TTBK2: variants seen among roughly 807,000 people sequenced by gnomAD.
TTBK2 encodes tau-tubulin kinase 2.
A neutral mutation model predicts 110.8 loss-of-function variants in TTBK2; 28 were observed. The ratio of observed to expected loss-of-function variants is 0.25; its 90% CI spans 0.19 to 0.35. The LOEUF (loss-of-function observed/expected upper bound fraction) is 0.35, where lower values mean the gene tolerates loss of function less well. Among genes scored for constraint, TTBK2 ranks in the 10% least tolerant of loss-of-function variants. The pLI is 1.00. For synonymous variants in TTBK2, 532 were observed against 527.3 expected (o/e 1.01, Z -0.12); for missense variants, 1,369 against 1,500.3 (o/e 0.91, Z 1.45).
chr15:42,919,978 G>C (rs1435203865), intron 1 of TTBK2: 1 of 190,684 alleles, frequency 5.2e-6, no homozygotes, highest in African/African-American at 2.4e-5. Flanking sequence ...AGAAAGTCGC[G>C]GCCTTCACTG....
intron 1 of TTBK2, among the ~76,000 whole-genome samples, chr15:42,895,251 A>T (rs954364026): frequency 6.6e-6 from 1 of 152,208 alleles, no homozygotes; most frequent in Non-Finnish European, 1.5e-5. Flanking sequence ...CATGATTTTA[A>T]GTCTTACTGT....
rs895916657 is a variant in TTBK2, at chr15:42,740,329, T to C, written c.*5466A>G. On this transcript the variant is annotated 3_prime_UTR_variant, in exon 15 of 15. Transcript: ENST00000267890. Reference sequence around the variant, plus strand: ...AGATCCAGCAAAGTCTAAGGAAATATCCTAATCATTACTGTGTAATGTTAC... The same window carrying C: ...AGATCCAGCAAAGTCTAAGGAAATACCCTAATCATTACTGTGTAATGTTAC... 1.3e-5 allele frequency: 2 copies of C among 152,210 alleles called. No individual in the cohort carries two copies. The highest frequency in any genetic ancestry group is 4.8e-5 in the African/African-American group (2 of 41,446). 9.4% of individuals were successfully genotyped at this position (152,210 alleles called of 1,614,324 possible).
At chr15:42,755,961 C>A (rs957887666) in intron 13 of TTBK2, among the ~76,000 whole-genome samples, 2 of 151,964 alleles carry the variant, frequency 1.3e-5, no homozygotes, top group South Asian at 2.1e-4. Flanking sequence ...TCTGGGGGGC[C>A]GAGGCAGGCT....
At chr15:42,765,522 T>C (rs988675939) in intron 13 of TTBK2, among the ~76,000 whole-genome samples, 5 of 152,088 alleles carry the variant, frequency 3.3e-5, no homozygotes, top group African/African-American at 9.7e-5. Context: ...GTATCAGTGA[T>C]TGAAGATCAA....
rs751151407 is a variant in TTBK2, at chr15:42,775,180, C to A, written c.1953G>T (p.Thr651=). Reference sequence around the variant, plus strand: ...CCTGCGCCTCCATTAGACTTGTGGGCGTCGCTGCAATAAACTGACTAGCAG... The same window carrying A: ...CCTGCGCCTCCATTAGACTTGTGGGAGTCGCTGCAATAAACTGACTAGCAG... ...PGAASQFIAA[T]PTSLMEAQAE... Residue 651 remains threonine (T), a synonymous_variant, in exon 13 of 15, where the codon ACG becomes ACT. Coordinates refer to ENST00000267890, the MANE Select transcript of TTBK2 (RefSeq NM_173500.4). The A allele has an allele frequency of 6.2e-7, 1 of 1,614,120 alleles. No homozygotes were observed. Among genetic ancestry groups the A allele is most frequent in the East Asian group, 2.2e-5 (1 of 44,888 alleles).
intron 10 of TTBK2, among the ~76,000 whole-genome samples, chr15:42,785,743 T>G (rs1049715483): frequency 6.6e-6 from 1 of 151,792 alleles, no homozygotes; most frequent in Admixed American, 6.6e-5. Flanking sequence ...TTCTAGGGTT[T>G]TTTTTTTTTT....
chr15:42,811,174 G>T (rs1451988702), intron 8 of TTBK2, among the ~76,000 whole-genome samples: 1 of 151,980 alleles, frequency 6.6e-6, no homozygotes, highest in Non-Finnish European at 1.5e-5. Flanking sequence ...AAAAATTTTT[G>T]TAAAGATTGG....
intron 9 of TTBK2, among the ~76,000 whole-genome samples, chr15:42,795,661 G>A: frequency 6.6e-6 from 1 of 151,938 alleles, no homozygotes; most frequent in Non-Finnish European, 1.5e-5. Context: ...TGGCGAACAT[G>A]GTGAAACCCT....
At chr15:42,769,075 T>C (rs1318555419) in intron 13 of TTBK2, among the ~76,000 whole-genome samples, 1 of 152,176 alleles carries the variant, frequency 6.6e-6, no homozygotes, top group African/African-American at 2.4e-5. Flanking sequence ...AAGTTGAAAT[T>C]GGATCCCTTC....
intron 6 of TTBK2, among the ~76,000 whole-genome samples, chr15:42,821,338 G>A (rs1236816242): frequency 6.6e-6 from 1 of 152,144 alleles, no homozygotes; most frequent in Non-Finnish European, 1.5e-5. Context: ...AGGTGAAATG[G>A]AGATTTATTT....
intron 1 of TTBK2, among the ~76,000 whole-genome samples, chr15:42,896,668 C>T (rs962218167): frequency 6.6e-6 from 1 of 152,046 alleles, no homozygotes; most frequent in African/African-American, 2.4e-5. Flanking sequence ...GTGGTACGTG[C>T]CTGTAGTCCC....
intron 3 of TTBK2, among the ~76,000 whole-genome samples, chr15:42,845,984 T>C (rs1231374453): frequency 6.6e-6 from 1 of 152,094 alleles, no homozygotes; most frequent in Non-Finnish European, 1.5e-5. Flanking sequence ...ATTATAATCT[T>C]ATAGGACCAC....
intron 7 of TTBK2, among the ~76,000 whole-genome samples, chr15:42,814,240 T>C (rs959199196): frequency 2.0e-5 from 3 of 152,148 alleles, no homozygotes; most frequent in Admixed American, 6.5e-5. Context: ...CAGGCTCAAG[T>C]GTTTTTAAAA....
At chr15:42,792,451 C>CA (rs1555424776) in intron 10 of TTBK2, among the ~76,000 whole-genome samples, 1 of 152,004 alleles carries the variant, frequency 6.6e-6, no homozygotes, top group Non-Finnish European at 1.5e-5. Flanking sequence ...ACACTTCTCC[C>CA]TTTTTTTTCT....
At chr15:42,906,604 A>G (rs2030414516) in intron 1 of TTBK2, among the ~76,000 whole-genome samples, 1 of 152,206 alleles carries the variant, frequency 6.6e-6, no homozygotes, top group South Asian at 2.1e-4. Context: ...GAAACACACC[A>G]GTACACTGGT....
intron 6 of TTBK2, among the ~76,000 whole-genome samples, chr15:42,823,417 T>C (rs1441427914): frequency 2.0e-5 from 3 of 152,134 alleles, no homozygotes; most frequent in Non-Finnish European, 4.4e-5. Flanking sequence ...CTAATACATC[T>C]TAAAGGTGAT....
intron 9 of TTBK2, among the ~76,000 whole-genome samples, chr15:42,804,982 C>T (rs1478218118): frequency 6.6e-6 from 1 of 152,126 alleles, no homozygotes; most frequent in East Asian, 1.9e-4. Context: ...GAATCACAGA[C>T]GTTAAGATTT....
At position 42,878,606 on chromosome 15, in the gene TTBK2, T is replaced by A. The variant is rs767723853; in HGVS notation, c.12A>T (p.Gly4=). 4.3e-6 allele frequency: 7 copies of A among 1,612,814 alleles called. No individual in the cohort carries two copies. The highest frequency in any genetic ancestry group is 5.9e-6 in the Non-Finnish European group (7 of 1,179,648). MSG[G]GEQLDILSVG... Reference sequence around the variant, plus strand: ...CACTCAGGATATCCAGCTGCTCTCCTCCCCCACTCATTGCAATACACTGAT... The same window carrying A: ...CACTCAGGATATCCAGCTGCTCTCCACCCCCACTCATTGCAATACACTGAT... Residue 4 remains glycine, a synonymous_variant, in exon 2 of 15, where the codon GGA becomes GGT. Coordinates refer to ENST00000267890, the MANE Select transcript of TTBK2 (RefSeq NM_173500.4).
intron 3 of TTBK2, among the ~76,000 whole-genome samples, chr15:42,843,600 G>C (rs1031590947): frequency 2.0e-5 from 3 of 151,516 alleles, no homozygotes; most frequent in Non-Finnish European, 4.4e-5. Flanking sequence ...CTCTACTAAA[G>C]ATACAAAAAT....
Sources: allele counts gnomAD v4.1 joint callset (sites outside exome capture counted in the v4.1 genomes callset), GRCh38; gene constraint gnomAD v4.1.1; transcripts MANE v1.5; gene names NCBI Gene and HGNC (gene_info 2026-07-23, HGNC 2026-07-21).